Variants in SVOPL observed in about 807,000 individuals in gnomAD.
The protein encoded by SVOPL is putative transporter SVOPL.
SVOPL carries 60 observed loss-of-function variants against 61.0 expected under a neutral mutation model. That is an observed-to-expected ratio of 0.98 (90% CI 0.80 to 1.22). The LOEUF (loss-of-function observed/expected upper bound fraction) is 1.22. Among genes scored for constraint, SVOPL ranks in the 50% most tolerant of loss-of-function variants. The pLI, the probability that SVOPL is intolerant of heterozygous loss-of-function variation, is 0.00. For missense variants in SVOPL, 662 were observed against 643.9 expected (o/e 1.03, Z -0.30); for synonymous variants, 279 against 250.0 (o/e 1.12, Z -1.09).
chr7:138,604,727 T>G (rs1452789060), intron 14 of SVOPL, among the ~76,000 whole-genome samples: 1 of 112,948 alleles, frequency 8.9e-6, no homozygotes, highest in East Asian at 2.5e-4. Flanking sequence ...ATGGAAACAA[T>G]GAACTATTCT....
chr7:138,685,087 C>G (rs1335177401), intron 1 of SVOPL, among the ~76,000 whole-genome samples: 1 of 151,974 alleles, frequency 6.6e-6, no homozygotes, highest in Non-Finnish European at 1.5e-5. Context: ...CATGTGCCAC[C>G]ACACCCAGCT....
chr7:138,644,567 G>T, intron 9 of SVOPL, 150 bp downstream of exon 9: 1 of 1,154,684 alleles, frequency 8.7e-7, no homozygotes, highest in Non-Finnish European at 1.2e-6. Context: ...CAGTGAAAAT[G>T]AATGTAGCCT....
Position 138,605,819 on chromosome 7 carries a change from G to A in SVOPL, c.1354-9289C>T, listed in dbSNP as rs151092074. ...AGGCAAAGGCTCTGGCTGAGAGGGA[G>A]TCCTCGCTGGCCACCCAGCATTGCG... On this transcript the variant is annotated intron_variant, in intron 14 of 15. Coordinates refer to ENST00000674285, the MANE Select transcript of SVOPL (RefSeq NM_001139456.2). 2.4e-4 allele frequency among the ~76,000 whole-genome samples: 37 copies of A among 152,274 alleles called. No homozygotes were observed. In the East Asian group the frequency reaches 7.1e-3, roughly 29 times the overall value.
At chr7:138,611,609 T>C (rs1002742215) in intron 14 of SVOPL, among the ~76,000 whole-genome samples, 1 of 152,028 alleles carries the variant, frequency 6.6e-6, no homozygotes, top group Admixed American at 6.6e-5. Context: ...TTTTTCCCCA[T>C]GCTTCAAGAG....
intron 7 of SVOPL, among the ~76,000 whole-genome samples, chr7:138,650,282 T>G (rs2117027577): frequency 6.6e-6 from 1 of 152,124 alleles, no homozygotes; most frequent in South Asian, 2.1e-4. Context: ...GTAGGGCTTG[T>G]GATTGGGGAT....
In SVOPL at chr7:138,698,067, G is replaced by A. The variant is rs575387474; in HGVS notation, c.-35+3111C>T. 1.1e-4 allele frequency among the ~76,000 whole-genome samples: 16 copies of A among 150,958 alleles called. No individual in the cohort carries two copies. The South Asian group carries it at 2.9e-3, about 28-fold the overall frequency. On this transcript the variant is annotated intron_variant, in intron 1 of 15. Transcript: ENST00000674285. The stretch of plus-strand genomic sequence containing the variant: ...GAGAAGTTGGCAGGAATGGAGAGAG[G>A]GAAAAAAGAAAGGAAGGAGGGAAGG...
At chr7:138,609,999 T>C (rs1798928588) in intron 14 of SVOPL, among the ~76,000 whole-genome samples, 1 of 152,178 alleles carries the variant, frequency 6.6e-6, no homozygotes, top group Non-Finnish European at 1.5e-5. Flanking sequence ...CCCAAAATTC[T>C]GGGATTATAG....
intron 5 of SVOPL, chr7:138,661,260 A>C (rs775399247): frequency 1.8e-5 from 18 of 985,460 alleles, no homozygotes; most frequent in Non-Finnish European, 2.2e-5. Flanking sequence ...GTCTAATCTT[A>C]GTAGGCACGT....
At chr7:138,670,508 G>T (rs1303162323) in intron 4 of SVOPL, among the ~76,000 whole-genome samples, 1 of 151,928 alleles carries the variant, frequency 6.6e-6, no homozygotes, top group Non-Finnish European at 1.5e-5. Context: ...TGACTCAACT[G>T]GTCCTGTGAC....
intron 14 of SVOPL, 63 bp downstream of exon 14, chr7:138,620,983 C>T: frequency 6.9e-7 from 1 of 1,447,468 alleles, no homozygotes; most frequent in Non-Finnish European, 9.6e-7. Context: ...ATCTGAAGGT[C>T]CCTGGGTTCC....
At chr7:138,652,706 C>A (rs1465502952) in intron 7 of SVOPL, among the ~76,000 whole-genome samples, 1 of 152,010 alleles carries the variant, frequency 6.6e-6, no homozygotes, top group Non-Finnish European at 1.5e-5. Flanking sequence ...CTGCATGCAA[C>A]CTCCGCCTCC....
intron 14 of SVOPL, among the ~76,000 whole-genome samples, chr7:138,603,052 T>C (rs548239899): frequency 1.3e-5 from 2 of 152,212 alleles, no homozygotes; most frequent in African/African-American, 4.8e-5. Context: ...CATCTATATA[T>C]ACATACACAT....
intron 14 of SVOPL, among the ~76,000 whole-genome samples, chr7:138,613,732 C>G (rs1799161039): frequency 6.6e-6 from 1 of 152,112 alleles, no homozygotes; most frequent in Non-Finnish European, 1.5e-5. Context: ...TGATAAAGTA[C>G]CCAACTTGAA....
intron 1 of SVOPL, among the ~76,000 whole-genome samples, chr7:138,696,811 T>G (rs2117149596): frequency 6.6e-6 from 1 of 152,202 alleles, no homozygotes; most frequent in Admixed American, 6.5e-5. Context: ...TCAGACAATC[T>G]TCCTGCCTCA....
chr7:138,596,924 A>G, intron 14 of SVOPL: 1 of 1,088,802 alleles, frequency 9.2e-7, no homozygotes, highest in Non-Finnish European at 1.1e-6. Flanking sequence ...AATATCCATT[A>G]TCTCTTCAGT....
intron 13 of SVOPL, among the ~76,000 whole-genome samples, chr7:138,623,796 A>C (rs1005896852): frequency 6.6e-6 from 1 of 152,118 alleles, no homozygotes; most frequent in Non-Finnish European, 1.5e-5. Context: ...TTATTTTCTT[A>C]ACTATGCAAA....
At chr7:138,663,363 C>T in intron 4 of SVOPL, 1 of 1,405,370 alleles carries the variant, frequency 7.1e-7, no homozygotes, top group South Asian at 1.6e-5. Flanking sequence ...GATCCTGCCC[C>T]AGGTGGAAAC....
chr7:138,605,879 C>T (rs944752982), intron 14 of SVOPL, among the ~76,000 whole-genome samples: 3 of 152,292 alleles, frequency 2.0e-5, no homozygotes, highest in Non-Finnish European at 2.9e-5. Flanking sequence ...CAGCAGCCTT[C>T]GGGTGTTTTC....
intron 14 of SVOPL, among the ~76,000 whole-genome samples, chr7:138,605,177 T>A (rs1384238528): frequency 6.7e-6 from 1 of 149,512 alleles, no homozygotes. Flanking sequence ...TAAAAATGTT[T>A]CCTGACATTT....
Sources: gnomAD v4.1 joint callset for allele counts (sites outside exome capture counted in the v4.1 genomes callset) on GRCh38, gnomAD v4.1.1 for gene constraint, MANE v1.5 for transcripts, NCBI Gene and HGNC (gene_info 2026-07-23, HGNC 2026-07-21) for gene names.